Variants in ESR1 observed in about 807,000 individuals in gnomAD.
ESR1 encodes estrogen receptor 1.
In ESR1, 12 loss-of-function variants were observed where a neutral mutation model predicts 52.7. The ratio of observed to expected loss-of-function variants is 0.23; its 90% CI spans 0.15 to 0.37. The LOEUF (loss-of-function observed/expected upper bound fraction) is 0.37. Among genes scored for constraint, ESR1 ranks in the 10% least tolerant of loss-of-function variants. ESR1 has a pLI of 1.00. For synonymous variants in ESR1, 305 were observed against 316.8 expected (o/e 0.96, Z 0.39); for missense variants, 584 against 779.7 (o/e 0.75, Z 2.99).
chr6:151,834,570 T>C (rs1447982434), intron 1 of ESR1, among the ~76,000 whole-genome samples: 1 of 151,304 alleles, frequency 6.6e-6, no homozygotes, highest in African/African-American at 2.4e-5. Flanking sequence ...GCTAAGGGAG[T>C]GATAGCATTA....
intron 5 of ESR1, among the ~76,000 whole-genome samples, chr6:152,045,933 C>T (rs148740323): frequency 1.3e-3 from 195 of 152,246 alleles, no homozygotes; most frequent in African/African-American, 4.5e-3. Context: ...TCTTATTGTC[C>T]TATTTGCACT....
At chr6:152,086,295 A>G (rs886960052) in intron 6 of ESR1, among the ~76,000 whole-genome samples, 1 of 152,028 alleles carries the variant, frequency 6.6e-6, no homozygotes, top group African/African-American at 2.4e-5. Flanking sequence ...TAAGGAAAAT[A>G]TAGATCCGTA....
At chr6:152,077,506 G>C (rs2048838606) in intron 6 of ESR1, among the ~76,000 whole-genome samples, 1 of 152,210 alleles carries the variant, frequency 6.6e-6, no homozygotes, top group African/African-American at 2.4e-5. Flanking sequence ...CCAGACCGCA[G>C]AATAGTAGAT....
At chr6:151,700,315 C>T (rs1231769122) in intron 1 of ESR1, among the ~76,000 whole-genome samples, 2 of 151,844 alleles carry the variant, frequency 1.3e-5, no homozygotes, top group African/African-American at 4.8e-5. Context: ...CTTTTTTTCC[C>T]TCCATAATGC....
intron 2 of ESR1, among the ~76,000 whole-genome samples, chr6:151,854,665 A>G (rs1787494234): frequency 6.6e-6 from 1 of 152,180 alleles, no homozygotes; most frequent in Non-Finnish European, 1.5e-5. Context: ...GAATGAGTAG[A>G]GAATTTCTAA....
At chr6:151,930,047 G>C (rs1472200565) in intron 3 of ESR1, among the ~76,000 whole-genome samples, 1 of 151,112 alleles carries the variant, frequency 6.6e-6, no homozygotes, top group African/African-American at 2.4e-5. Flanking sequence ...GCAATGGTGC[G>C]ATCTTGGCTT....
At chr6:151,902,404 T>G (rs1796826850) in intron 3 of ESR1, among the ~76,000 whole-genome samples, 1 of 152,194 alleles carries the variant, frequency 6.6e-6, no homozygotes, top group Non-Finnish European at 1.5e-5. Context: ...TCTGTTTCTC[T>G]CTCTTTGTGG....
chr6:152,030,334 C>T (rs2044571436), intron 5 of ESR1, among the ~76,000 whole-genome samples: 1 of 149,994 alleles, frequency 6.7e-6, no homozygotes, highest in Non-Finnish European at 1.5e-5. Context: ...TTAAAAGACA[C>T]AGACTGGCAA....
chr6:152,043,052 A>G (rs905208234), intron 5 of ESR1, among the ~76,000 whole-genome samples: 36 of 152,152 alleles, frequency 2.4e-4, no homozygotes, highest in African/African-American at 8.2e-4. Context: ...AATCTATTTC[A>G]CAATGTGCTG....
chr6:152,122,407 A>T (rs1473096067), intron 6 of ESR1: 1 of 1,613,972 alleles, frequency 6.2e-7, no homozygotes, highest in African/African-American at 1.3e-5. Context: ...TTATGCTACC[A>T]GCACTTCTGC....
In ESR1 at chr6:151,676,623, A is replaced by G. The variant is rs944112422; in HGVS notation, n.73+19860A>G. On this transcript the variant is annotated intron_variant and non_coding_transcript_variant, in intron 1 of 2. Transcript: ENST00000473497. ...TAATTATTTTCAAATGGTGCTAATT[A>G]GCAGACCCAACACATGGGCAGCCTT... Among the ~76,000 whole-genome samples, 13 of 152,198 alleles carry G rather than the reference A, an allele frequency of 8.5e-5. 1 individual carries two copies. Among genetic ancestry groups the G allele is most frequent in the Non-Finnish European group, 2.9e-5 (2 of 68,040 alleles).
At chr6:152,038,525 C>G (rs1372976923) in intron 5 of ESR1, among the ~76,000 whole-genome samples, 1 of 152,182 alleles carries the variant, frequency 6.6e-6, no homozygotes, top group Non-Finnish European at 1.5e-5. Context: ...CATAATTACA[C>G]TGAACATAAT....
rs529004798 is a variant in ESR1, at chr6:152,082,553, A to G, written c.1370-11832A>G. 3.2e-3 allele frequency among the ~76,000 whole-genome samples: 493 copies of G among 152,350 alleles called. 15 individuals are homozygous for G. Among genetic ancestry groups the G allele is most frequent in the Admixed American group, 0.03 (464 of 15,298 alleles). On this transcript the variant is annotated intron_variant, in intron 6 of 7. Coordinates refer to ENST00000206249, the MANE Select transcript of ESR1 (RefSeq NM_000125.4). Reference sequence around the variant, plus strand: ...AAGCATTCCTTTTGAAAACCAGCACAAGATAAGAATGCCCTCTCTCACCAC... The same window carrying G: ...AAGCATTCCTTTTGAAAACCAGCACGAGATAAGAATGCCCTCTCTCACCAC...
At chr6:151,875,839 A>G (rs1446407078) in intron 2 of ESR1, among the ~76,000 whole-genome samples, 2 of 152,136 alleles carry the variant, frequency 1.3e-5, no homozygotes, top group African/African-American at 4.8e-5. Context: ...GCAAGGAAAA[A>G]CATAAGAGCT....
chr6:151,965,501 TA>T (rs1038378866), intron 4 of ESR1, among the ~76,000 whole-genome samples: 8 of 152,170 alleles, frequency 5.3e-5, no homozygotes, highest in Non-Finnish European at 1.2e-4. Context: ...CCCTGAAGTT[TA>T]GATCATTTTA....
downstream of ESR1, among the ~76,000 whole-genome samples, chr6:152,103,901 G>A (rs567928647): frequency 6.6e-6 from 1 of 151,912 alleles, no homozygotes; most frequent in East Asian, 1.9e-4. Flanking sequence ...GGGAGGGGGT[G>A]GGTATAGGAC....
intron 4 of ESR1, 62 bp downstream of exon 4, chr6:151,944,570 A>C (rs992656789): frequency 2.1e-6 from 3 of 1,446,396 alleles, no homozygotes; most frequent in Non-Finnish European, 2.9e-6. Context: ...TTGTGATGTC[A>C]TGGGAGAAAT....
At chr6:152,017,865 A>C (rs561739626) in intron 5 of ESR1, among the ~76,000 whole-genome samples, 1 of 152,226 alleles carries the variant, frequency 6.6e-6, no homozygotes, top group South Asian at 2.1e-4. Flanking sequence ...CATGCTAACA[A>C]ATTCTGAGAA....
chr6:151,662,895 G>T (rs1399970303), intron 1 of ESR1, among the ~76,000 whole-genome samples: 1 of 152,242 alleles, frequency 6.6e-6, no homozygotes, highest in African/African-American at 2.4e-5. Context: ...AAACTTTTGT[G>T]CAGCTAGTAA....
Sources: gnomAD v4.1 joint callset for allele counts (sites outside exome capture counted in the v4.1 genomes callset) on GRCh38, gnomAD v4.1.1 for gene constraint, MANE v1.5 for transcripts, NCBI Gene and HGNC (gene_info 2026-07-23, HGNC 2026-07-21) for gene names.